RFC3: variants seen among roughly 807,000 people sequenced by gnomAD.
RFC3 encodes the protein A1 38 kDa subunit.
In RFC3, 41 loss-of-function variants were observed where a neutral mutation model predicts 45.1. The observed-to-expected ratio is 0.91, with a 90% CI of 0.71 to 1.18. RFC3 has a LOEUF of 1.18. RFC3 is among the 50% of genes most tolerant of loss of function. RFC3 has a pLI of 0.00. For missense variants in RFC3, 423 were observed against 428.1 expected (o/e 0.99, Z 0.10); for synonymous variants, 149 against 144.0 (o/e 1.03, Z -0.25).
chr13:33,835,955 A>T (rs539562387), intron 8 of RFC3, 149 bp from the exon 9 acceptor site: 9 of 840,226 alleles, frequency 1.1e-5, no homozygotes, highest in African/African-American at 1.0e-4. Flanking sequence ...TTGCTTTTGG[A>T]TGAAGGTCGT....
chr13:33,963,676 A>G (rs1235403752), intron 8 of RFC3, among the ~76,000 whole-genome samples: 1 of 152,122 alleles, frequency 6.6e-6, no homozygotes, highest in Non-Finnish European at 1.5e-5. Flanking sequence ...CTCTGTTTCT[A>G]TAATGGACTT....
chr13:33,839,361 A>G (rs2082180651), downstream of RFC3, among the ~76,000 whole-genome samples: 1 of 152,166 alleles, frequency 6.6e-6, no homozygotes, highest in Non-Finnish European at 1.5e-5. Context: ...CAGCAAAGCA[A>G]TGAGTTTTCC....
chr13:33,867,159 T>G (rs779389842), intron 8 of RFC3, among the ~76,000 whole-genome samples: 5 of 152,192 alleles, frequency 3.3e-5, no homozygotes, highest in Non-Finnish European at 7.3e-5. Context: ...GCAGTTAGCT[T>G]TATAGAATAG....
In RFC3 at chr13:33,835,468, CAG is replaced by C. The variant is rs750552585; in HGVS notation, c.879+254_879+255del. 3 of 653,372 alleles carry C rather than the reference CAG, an allele frequency of 4.6e-6. No individual in the cohort carries two copies. In the Admixed American group the frequency reaches 5.5e-5, roughly 12 times the overall value. 40.5% of individuals were successfully genotyped at this position (653,372 alleles called of 1,614,324 possible). A position where few individuals can be genotyped will look rare whatever the true frequency, so the allele number is the denominator to read the frequency against. ...GGAGAACAAATAAAGAAGAGAATTT[CAG>C]AGTGTTGTAAGTGCTGTAAAGGAAA... On this transcript the variant is annotated intron_variant, in intron 8 of 8. Transcript: ENST00000380071.
At chr13:33,878,572 A>G (rs1399423998) in intron 8 of RFC3, among the ~76,000 whole-genome samples, 1 of 152,132 alleles carries the variant, frequency 6.6e-6, no homozygotes. Context: ...CGAATAGTTC[A>G]GTTTGGGACA....
At chr13:33,976,240 C>T in the RFC3 span, among the ~76,000 whole-genome samples, 1 of 152,124 alleles carries the variant, frequency 6.6e-6, no homozygotes, top group African/African-American at 2.4e-5. Context: ...AACAGATATA[C>T]ACAATGGAAT....
chr13:33,851,437 A>G (rs1020827369), intron 8 of RFC3, among the ~76,000 whole-genome samples: 8 of 152,192 alleles, frequency 5.3e-5, no homozygotes, highest in Non-Finnish European at 8.8e-5. Context: ...TGTCGTGTAT[A>G]TTACATTCTT....
At chr13:33,939,663 AG>A (rs2082911377) in intron 8 of RFC3, among the ~76,000 whole-genome samples, 1 of 152,222 alleles carries the variant, frequency 6.6e-6, no homozygotes, top group African/African-American at 2.4e-5. Context: ...CTGATTCATC[AG>A]AAGTACAGGT....
At chr13:33,845,242 G>A (rs978802979) in intron 8 of RFC3, among the ~76,000 whole-genome samples, 1 of 152,064 alleles carries the variant, frequency 6.6e-6, no homozygotes, top group Non-Finnish European at 1.5e-5. Flanking sequence ...ATTATTAGAT[G>A]CCTTGAGATA....
chr13:33,941,966 A>C (rs963915848), intron 8 of RFC3, among the ~76,000 whole-genome samples: 2 of 152,090 alleles, frequency 1.3e-5, no homozygotes, highest in South Asian at 4.1e-4. Context: ...CATATTTTCT[A>C]TCTTCCTGTT....
At chr13:33,975,112 A>G in the RFC3 span, among the ~76,000 whole-genome samples, 1 of 152,244 alleles carries the variant, frequency 6.6e-6, no homozygotes, top group African/African-American at 2.4e-5. Context: ...AACTTCATTT[A>G]TAATCACCTC....
chr13:33,902,512 A>C (rs922697631), intron 8 of RFC3, among the ~76,000 whole-genome samples: 2 of 152,064 alleles, frequency 1.3e-5, no homozygotes, highest in Admixed American at 1.3e-4. Flanking sequence ...CCTATTGATA[A>C]TTGTTCCGTA....
chr13:33,837,071 C>T lies in RFC3; in HGVS notation c.*776C>T. On this transcript the variant is annotated 3_prime_UTR_variant, in exon 9 of 9. Coordinates refer to ENST00000380071, the MANE Select transcript of RFC3 (RefSeq NM_002915.4). Reference sequence around the variant, plus strand: ...ACTTGACAAATTTGTGTGACAGACTCCGAACAATTCCTTTACTACGAAGTA... The same window carrying T: ...ACTTGACAAATTTGTGTGACAGACTTCGAACAATTCCTTTACTACGAAGTA... The T allele has an allele frequency of 1.0e-6, 1 of 977,696 alleles. No homozygotes were observed. The highest frequency in any genetic ancestry group is 1.2e-6 in the Non-Finnish European group (1 of 823,010). 60.6% of individuals were successfully genotyped at this position (977,696 alleles called of 1,614,324 possible).
At chr13:33,858,785 A>AT (rs1319050165) in intron 8 of RFC3, among the ~76,000 whole-genome samples, 1 of 152,202 alleles carries the variant, frequency 6.6e-6, no homozygotes, top group Non-Finnish European at 1.5e-5. Flanking sequence ...AAAATGAGAT[A>AT]TTTATCTATC....
intron 8 of RFC3, among the ~76,000 whole-genome samples, chr13:33,882,856 G>A (rs1391772502): frequency 2.0e-5 from 3 of 152,158 alleles, no homozygotes; most frequent in Non-Finnish European, 4.4e-5. Flanking sequence ...TTTTATAAGT[G>A]GGATCATACA....
intron 8 of RFC3, among the ~76,000 whole-genome samples, chr13:33,853,004 T>C (rs1168692965): frequency 6.6e-6 from 1 of 152,130 alleles, no homozygotes; most frequent in East Asian, 1.9e-4. Flanking sequence ...CAGAAGAATA[T>C]TTGCCACTTT....
At chr13:33,974,205 G>A in the RFC3 span, among the ~76,000 whole-genome samples, 2 of 152,316 alleles carry the variant, frequency 1.3e-5, no homozygotes, top group South Asian at 2.1e-4. Context: ...TGGGGGAAAC[G>A]ATCATGAAAG....
At chr13:33,887,341 A>G (rs2082532534) in intron 8 of RFC3, among the ~76,000 whole-genome samples, 1 of 151,438 alleles carries the variant, frequency 6.6e-6, no homozygotes, top group Non-Finnish European at 1.5e-5. Context: ...CAGGTGTGAG[A>G]TGGTATCTCA....
rs369398078 is a variant in RFC3 at position 33,866,268 on chromosome 13, T to G, written c.879+31051T>G. ...CAGGGGTTTTTTCTGTAGGCAGAGA[T>G]GCCAATGGGAAGTGCTGCAGGGGCA... On this transcript the variant is annotated intron_variant, in intron 8 of 8. Coordinates refer to the RFC3 transcript ENST00000434425. Among the ~76,000 whole-genome samples, 224 of 152,268 alleles carry G rather than the reference T, an allele frequency of 1.5e-3. 1 individual carries two copies. Among genetic ancestry groups the G allele is most frequent in the African/African-American group, 5.2e-3 (218 of 41,556 alleles).
Sources: gnomAD v4.1 joint callset for allele counts (sites outside exome capture counted in the v4.1 genomes callset) on GRCh38, gnomAD v4.1.1 for gene constraint, MANE v1.5 for transcripts, NCBI Gene and HGNC (gene_info 2026-07-23, HGNC 2026-07-21) for gene names.